Variants in MEX3C observed in about 807,000 individuals in gnomAD.
MEX3C encodes mex-3 RNA binding family member C.
Under a neutral mutation model 35.5 loss-of-function variants are expected in MEX3C, and 15 were observed. The observed-to-expected ratio is 0.42, with a 90% CI of 0.28 to 0.65. The LOEUF (loss-of-function observed/expected upper bound fraction) is 0.65. MEX3C is among the 30% of genes least tolerant of loss of function. The pLI is 0.20. For synonymous variants in MEX3C, 390 were observed against 352.8 expected (o/e 1.11, Z -1.18); for missense variants, 711 against 842.8 (o/e 0.84, Z 1.94).
intron 1 of MEX3C, chr18:51,196,348 A>G: frequency 9.1e-7 from 1 of 1,096,134 alleles, no homozygotes. Context: ...CGCCCGAGAA[A>G]CTTCACACTT....
chr18:51,187,841 C>T (rs772292917), intron 1 of MEX3C, among the ~76,000 whole-genome samples: 7 of 152,168 alleles, frequency 4.6e-5, no homozygotes, highest in Non-Finnish European at 7.4e-5. Context: ...ATAGTCTAGA[C>T]AGAATATTCA....
At chr18:51,182,934 C>G (rs1190254549) in intron 1 of MEX3C, among the ~76,000 whole-genome samples, 1 of 152,196 alleles carries the variant, frequency 6.6e-6, no homozygotes, top group Non-Finnish European at 1.5e-5. Flanking sequence ...TTTAAAACCA[C>G]TAGACAACAT....
Position 51,197,499 on chromosome 18 carries a change from C to T in MEX3C, c.-179G>A, listed in dbSNP as rs1912847529. On this transcript the variant is annotated 5_prime_UTR_variant, in exon 1 of 2. Transcript: ENST00000406189. Reference sequence around the variant, plus strand: ...AGGGCCGCCCGGAGACCGGAGAGGGCGGGGTGGAGGGGCAGGGGAAGGAGG... The same window carrying T: ...AGGGCCGCCCGGAGACCGGAGAGGGTGGGGTGGAGGGGCAGGGGAAGGAGG... Among the ~76,000 whole-genome samples, 3 of 50,900 alleles carry T rather than the reference C, an allele frequency of 5.9e-5. No homozygotes were observed. The highest frequency in any genetic ancestry group is 5.4e-4 in the Admixed American group (2 of 3,734). The allele number at this position is 50,900 out of a possible 152,430, so 33.4% of individuals were successfully genotyped here. A position where few individuals can be genotyped will look rare whatever the true frequency, so the allele number is the denominator to read the frequency against.
At position 51,196,948 on chromosome 18, in the gene MEX3C, G is replaced by T. The variant is rs535155623; in HGVS notation, c.373C>A (p.Leu125Met). The change falls in exon 1 of 2, where the codon CTG (leucine) becomes ATG (methionine). Residue 125 changes from leucine to methionine, a missense_variant. By Grantham distance (15) the Leu-to-Met change is conservative. Around this residue, in one of 4 missense-constraint regions of MEX3C, gnomAD observed 354 missense variants for 311.6 expected, o/e 1.14. Coordinates refer to ENST00000406189, the MANE Select transcript of MEX3C (RefSeq NM_016626.5). ...GCTTCCTCCAGCTCCTCCTCCTCCA[G>T]CAGGTCTCCGTCCAGCTCCGCTTCC... ...GEEAELDGDLLEEEELEEAEE... is the reference protein window; with the variant it reads ...GEEAELDGDLMEEEELEEAEE... The T allele has an allele frequency of 6.5e-6, 10 of 1,543,848 alleles. No individual in the cohort carries two copies. The South Asian group carries it at 9.5e-5, about 15-fold the overall frequency.
chr18:51,176,527 A>G lies in MEX3C; in HGVS notation c.1804T>C (p.Ser602Pro). The change falls in exon 2 of 2, where the codon TCA becomes CCA. Residue 602 changes from serine (S) to proline (P), a missense_variant. Coordinates refer to ENST00000406189, the MANE Select transcript of MEX3C (RefSeq NM_016626.5). Reference sequence around the variant, plus strand: ...ATCACACAGTCGTGCTTTCGTCTTGATTCTGGAGGTGAGCTAGAGGTGGAA... The same window carrying G: ...ATCACACAGTCGTGCTTTCGTCTTGGTTCTGGAGGTGAGCTAGAGGTGGAA... Reference protein sequence around the residue: ...GGSTSSSPPESRRKHDCVICF... With the variant: ...GGSTSSSPPEPRRKHDCVICF... The G allele has an allele frequency of 6.2e-7, 1 of 1,613,972 alleles. No homozygotes were observed. The highest frequency in any genetic ancestry group is 8.5e-7 in the Non-Finnish European group (1 of 1,179,892).
In MEX3C at chr18:51,196,784, G is replaced by C. The variant is rs62092914; in HGVS notation, c.537C>G (p.Ala179=). Residue 179 remains alanine, a synonymous_variant, in exon 1 of 2, where the codon GCC becomes GCG. Transcript: ENST00000406189. ...AARFDAREAA[A]AAAAAGVLYG... ...ACAGCACCCCCGCCGCCGCCGCCGC[G>C]GCCGCCGCCTCCCGGGCATCGAACC... The C allele has an allele frequency of 1.7e-5, 9 of 526,360 alleles. No individual in the cohort carries two copies. The highest frequency in any genetic ancestry group is 2.3e-5 in the Non-Finnish European group (8 of 354,986). The allele number at this position is 526,360 out of a possible 1,614,324, so 32.6% of individuals were successfully genotyped here.
In MEX3C at chr18:51,174,743, T is replaced by C. The variant is rs539407469; in HGVS notation, c.*1608A>G. On this transcript the variant is annotated 3_prime_UTR_variant, in exon 2 of 2. Coordinates refer to ENST00000406189, the MANE Select transcript of MEX3C (RefSeq NM_016626.5). ...ATAATCCCTATGACTTCCCTACATA[T>C]ACATAACAAAAGAGTGTAGTAAAAT... 1.3e-5 allele frequency: 2 copies of C among 152,758 alleles called. No individual in the cohort carries two copies. Among genetic ancestry groups the C allele is most frequent in the East Asian group, 1.9e-4 (1 of 5,192 alleles). The allele number at this position is 152,758 out of a possible 1,614,324, so 9.5% of individuals were successfully genotyped here.
chr18:51,195,756 G>C (rs1231964957), intron 1 of MEX3C: 5 of 152,372 alleles, frequency 3.3e-5, no homozygotes, highest in Non-Finnish European at 5.9e-5. Context: ...TGGAATCTGA[G>C]ACACAGGTCC....
At position 51,174,576 on chromosome 18, in the gene MEX3C, T is replaced by TTAAG. The variant is rs1000950268; in HGVS notation, c.*1771_*1774dup. 6.5e-6 allele frequency: 1 copy of TTAAG among 152,672 alleles called. No individual in the cohort carries two copies. The highest frequency in any genetic ancestry group is 6.5e-5 in the Admixed American group (1 of 15,286). 9.5% of individuals were successfully genotyped at this position (152,672 alleles called of 1,614,324 possible). ...TCAAGTTAATGGAAACAAGTCTTTA[T>TTAAG]TAAGTAACTTTTAATATCAGAAAAA... On this transcript the variant is annotated 3_prime_UTR_variant, in exon 2 of 2. Coordinates refer to ENST00000406189, the MANE Select transcript of MEX3C (RefSeq NM_016626.5).
chr18:51,196,975 C>G lies in MEX3C; in HGVS notation c.346G>C (p.Glu116Gln). ...AGGTCTCCGTCCAGCTCCGCTTCCT[C>G]CCCCTCCTCCTCGTCCTCTTCCAGC... Reference protein sequence around the residue: ...LELEEDEEEGEEAELDGDLLE... With the variant: ...LELEEDEEEGQEAELDGDLLE... Residue 116 changes from glutamate (E) to glutamine (Q), a missense_variant, in exon 1 of 2, where the codon GAG becomes CAG. Physicochemically the swap from Glu to Gln is conservative, Grantham distance 29 (BLOSUM62 2). This residue lies in a region of MEX3C where 354 missense variants were observed against 311.6 expected (regional missense o/e 1.14). Transcript: ENST00000406189. The G allele has an allele frequency of 6.5e-7, 1 of 1,540,020 alleles. No individual in the cohort carries two copies. The highest frequency in any genetic ancestry group is 2.5e-5 in the East Asian group (1 of 39,944).
chr18:51,185,204 C>T (rs1912511691), intron 1 of MEX3C, among the ~76,000 whole-genome samples: 1 of 152,194 alleles, frequency 6.6e-6, no homozygotes, highest in Admixed American at 6.5e-5. Context: ...AGGTTGTTGG[C>T]AGAATTTGAT....
Position 51,174,944 on chromosome 18 carries a change from A to C in MEX3C, c.*1407T>G, listed in dbSNP as rs532384932. 2 of 152,756 alleles carry C rather than the reference A, an allele frequency of 1.3e-5. No individual in the cohort carries two copies. Among genetic ancestry groups the C allele is most frequent in the South Asian group, 4.1e-4 (2 of 4,828 alleles). The allele number at this position is 152,756 out of a possible 1,614,324, so 9.5% of individuals were successfully genotyped here. A position where few individuals can be genotyped will look rare whatever the true frequency, so the allele number is the denominator to read the frequency against. On this transcript the variant is annotated 3_prime_UTR_variant, in exon 2 of 2. Transcript: ENST00000406189. ...TTCATATCTACAAGACGGCAGCTAG[A>C]GATTAGGTTTCAATACTGACCATTT...
chr18:51,180,283 C>T (rs1912396032), intron 1 of MEX3C, among the ~76,000 whole-genome samples: 1 of 151,978 alleles, frequency 6.6e-6, no homozygotes, highest in Non-Finnish European at 1.5e-5. Context: ...CACTATCTAG[C>T]CTATGGTTGG....
At chr18:51,189,395 T>A (rs1030186232) in intron 1 of MEX3C, among the ~76,000 whole-genome samples, 5 of 152,172 alleles carry the variant, frequency 3.3e-5, no homozygotes, top group Admixed American at 3.3e-4. Flanking sequence ...ATTGTCCAGT[T>A]ATAAACTAGT....
At chr18:51,178,841 C>CA (rs942611344) in intron 1 of MEX3C, among the ~76,000 whole-genome samples, 2 of 143,802 alleles carry the variant, frequency 1.4e-5, no homozygotes, top group Non-Finnish European at 3.0e-5. Flanking sequence ...GCCTGGGCAA[C>CA]AAGAGTGAAA....
intron 1 of MEX3C, among the ~76,000 whole-genome samples, chr18:51,189,123 C>A (rs1912601883): frequency 6.6e-6 from 1 of 152,176 alleles, no homozygotes; most frequent in Non-Finnish European, 1.5e-5. Flanking sequence ...GTGCCTGACA[C>A]AAGTTTGTTG....
intron 1 of MEX3C, among the ~76,000 whole-genome samples, chr18:51,190,634 G>A (rs920465716): frequency 2.0e-5 from 3 of 152,154 alleles, no homozygotes; most frequent in Admixed American, 2.0e-4. Flanking sequence ...CACTTGAAGT[G>A]TCCTTACATC....
chr18:51,194,005 ATAAT>A (rs1185089321), intron 1 of MEX3C: 1 of 152,270 alleles, frequency 6.6e-6, no homozygotes, highest in African/African-American at 2.4e-5. Context: ...GCAGAAATGG[ATAAT>A]TTAATCTTAA....
chr18:51,183,946 G>C (rs1912481335), intron 1 of MEX3C, among the ~76,000 whole-genome samples: 1 of 152,092 alleles, frequency 6.6e-6, no homozygotes, highest in Non-Finnish European at 1.5e-5. Context: ...GGCTGCAGTG[G>C]GTTATGATCA....
Sources: allele counts gnomAD v4.1 joint callset (sites outside exome capture counted in the v4.1 genomes callset), GRCh38; gene constraint gnomAD v4.1.1; regional missense constraint gnomAD v4.1.1; transcripts MANE v1.5; gene names NCBI Gene and HGNC (gene_info 2026-07-23, HGNC 2026-07-21).